GAB1: variants seen among roughly 807,000 people sequenced by gnomAD.
GAB1 encodes GRB2-associated-binding protein 1.
A neutral mutation model predicts 66.5 loss-of-function variants in GAB1; 19 were observed. The ratio of observed to expected loss-of-function variants is 0.29; its 90% confidence interval spans 0.20 to 0.42. The LOEUF is 0.42. Among genes scored for constraint, GAB1 ranks in the 10% least tolerant of loss-of-function variants. The probability of loss-of-function intolerance (pLI) is 1.00; values close to 1 mark genes in which losing one functional copy is unlikely to be tolerated. For missense variants in GAB1, 732 were observed against 858.5 expected (o/e 0.85, Z 1.84); for synonymous variants, 294 against 301.4 (o/e 0.98, Z 0.25).
chr4:143,460,298 A>G, intron 7 of GAB1, 66 bp from the exon 8 acceptor site: 3 of 1,471,150 alleles, frequency 2.0e-6, no homozygotes, highest in South Asian at 2.3e-5. Flanking sequence ...TCTCATTTTT[A>G]TTTGGGGAAT....
chr4:143,453,770 T>C (rs1735047002), intron 6 of GAB1, among the ~76,000 whole-genome samples: 1 of 152,210 alleles, frequency 6.6e-6, no homozygotes, highest in Non-Finnish European at 1.5e-5. Context: ...ATTCACAGAA[T>C]TTAAATTCTA....
At chr4:143,467,304 G>A (rs551761099) in intron 9 of GAB1, among the ~76,000 whole-genome samples, 1 of 152,228 alleles carries the variant, frequency 6.6e-6, no homozygotes, top group African/African-American at 2.4e-5. Flanking sequence ...ATGAGTTTAA[G>A]GTCATTTCTG....
At chr4:143,356,863 G>A (rs1729466370) in intron 1 of GAB1, among the ~76,000 whole-genome samples, 2 of 152,100 alleles carry the variant, frequency 1.3e-5, no homozygotes, top group Non-Finnish European at 2.9e-5. Context: ...TCTTCTTGAG[G>A]GGAAAGATTT....
intron 1 of GAB1, among the ~76,000 whole-genome samples, chr4:143,353,853 T>G (rs1298414796): frequency 2.0e-5 from 3 of 152,216 alleles, no homozygotes; most frequent in Admixed American, 1.3e-4. Flanking sequence ...TATAGTATAT[T>G]AACTAGCTTG....
intron 1 of GAB1, among the ~76,000 whole-genome samples, chr4:143,399,198 G>A (rs1314308277): frequency 1.3e-5 from 2 of 152,194 alleles, no homozygotes; most frequent in Non-Finnish European, 2.9e-5. Flanking sequence ...GACCATGTCA[G>A]TCTAGAAACT....
intron 1 of GAB1, among the ~76,000 whole-genome samples, chr4:143,348,447 TTC>T (rs1344977959): frequency 6.6e-6 from 1 of 152,120 alleles, no homozygotes; most frequent in African/African-American, 2.4e-5. Context: ...TCTTTGACTT[TTC>T]TCTCTCTCTC....
intron 1 of GAB1, among the ~76,000 whole-genome samples, chr4:143,368,272 GAGCC>G (rs1729973168): frequency 6.6e-6 from 1 of 151,964 alleles, no homozygotes; most frequent in Admixed American, 6.6e-5. Flanking sequence ...CAGAGAAAGG[GAGCC>G]ATAGGCAGGA....
chr4:143,342,712 C>T (rs1005460782), intron 1 of GAB1, among the ~76,000 whole-genome samples: 1 of 151,826 alleles, frequency 6.6e-6, no homozygotes, highest in East Asian at 1.9e-4. Context: ...CTCCTGCCAC[C>T]ACGCCCGGCA....
intron 2 of GAB1, among the ~76,000 whole-genome samples, chr4:143,417,041 C>T (rs1176312149): frequency 6.6e-6 from 1 of 151,972 alleles, no homozygotes; most frequent in African/African-American, 2.4e-5. Context: ...ACAGGTCCTA[C>T]AAGGAACATG....
At chr4:143,364,831 G>A (rs562092569) in intron 1 of GAB1, among the ~76,000 whole-genome samples, 1 of 150,150 alleles carries the variant, frequency 6.7e-6, no homozygotes, top group East Asian at 2.0e-4. Flanking sequence ...AGGAGTAGAA[G>A]CAGGGGAGAC....
chr4:143,457,750 C>G, intron 6 of GAB1: 2 of 1,573,376 alleles, frequency 1.3e-6, no homozygotes, highest in Non-Finnish European at 1.7e-6. Context: ...CCATAGGTGA[C>G]TTTGCTACAA....
intron 6 of GAB1, among the ~76,000 whole-genome samples, chr4:143,443,989 T>A (rs1217808136): frequency 6.6e-6 from 1 of 152,196 alleles, no homozygotes; most frequent in Non-Finnish European, 1.5e-5. Context: ...TAGTGTTTGT[T>A]TTGAGCCAAG....
At chr4:143,434,990 A>G (rs1054882629) in intron 3 of GAB1, among the ~76,000 whole-genome samples, 1 of 152,228 alleles carries the variant, frequency 6.6e-6, no homozygotes, top group African/African-American at 2.4e-5. Context: ...TTATTTATGT[A>G]TTAATCAGCT....
At chr4:143,389,334 G>T (rs1157722270) in intron 1 of GAB1, among the ~76,000 whole-genome samples, 2 of 152,348 alleles carry the variant, frequency 1.3e-5, no homozygotes, top group East Asian at 3.9e-4. Flanking sequence ...AACCTAGTGA[G>T]ATTGGTGGCA....
chr4:143,450,760 G>T, intron 6 of GAB1, among the ~76,000 whole-genome samples: 1 of 151,950 alleles, frequency 6.6e-6, no homozygotes, highest in Non-Finnish European at 1.5e-5. Context: ...GCGTGGTGGC[G>T]CATGCCTGTA....
intron 1 of GAB1, among the ~76,000 whole-genome samples, chr4:143,346,205 T>C (rs1033966794): frequency 6.6e-6 from 1 of 152,246 alleles, no homozygotes; most frequent in Admixed American, 6.5e-5. Flanking sequence ...GAAACTTTTC[T>C]CTAAAAAGAG....
Position 143,337,088 on chromosome 4 carries a change from A to T in GAB1, c.-101A>T. 1.0e-6 allele frequency: 1 copy of T among 995,140 alleles called. No individual in the cohort carries two copies. The highest frequency in any genetic ancestry group is 1.6e-5 in the South Asian group (1 of 64,066). 61.6% of individuals were successfully genotyped at this position (995,140 alleles called of 1,614,324 possible). On this transcript the variant is annotated 5_prime_UTR_variant, in exon 1 of 10. Coordinates refer to ENST00000262994, the MANE Select transcript of GAB1 (RefSeq NM_002039.4). ...TCCGTCCGGGGTGCGCGACCAGGAG[A>T]GCTAGGTTCTCGCCACTGCGCGCTC...
At chr4:143,397,128 A>G (rs1420018533) in intron 1 of GAB1, among the ~76,000 whole-genome samples, 1 of 152,206 alleles carries the variant, frequency 6.6e-6, no homozygotes, top group Non-Finnish European at 1.5e-5. Context: ...TATTTCATCT[A>G]ATGTGACAGG....
At chr4:143,455,182 G>T (rs1427194325) in intron 6 of GAB1, among the ~76,000 whole-genome samples, 1 of 152,110 alleles carries the variant, frequency 6.6e-6, no homozygotes, top group Non-Finnish European at 1.5e-5. Flanking sequence ...AAATGCAGAT[G>T]CTTAAAGGGG....
Sources: gnomAD v4.1 joint callset for allele counts (sites outside exome capture counted in the v4.1 genomes callset) on GRCh38, gnomAD v4.1.1 for gene constraint, MANE v1.5 for transcripts, NCBI Gene and HGNC (gene_info 2026-07-23, HGNC 2026-07-21) for gene names.